Variants in EXOC4 observed in about 807,000 individuals in gnomAD.
EXOC4 encodes the protein SEC8-like 1.
Under a neutral mutation model 107.2 loss-of-function variants are expected in EXOC4, and 71 were observed. The observed-to-expected ratio is 0.66, with a 90% CI of 0.55 to 0.81. EXOC4 has a LOEUF of 0.81. Ranked by LOEUF, EXOC4 falls within the 30% of genes least tolerant of loss-of-function variation. The probability of loss-of-function intolerance (pLI) is 0.00; values close to 1 mark genes in which losing one functional copy is unlikely to be tolerated. For missense variants in EXOC4, 1,108 were observed against 1,189.6 expected, an observed-to-expected ratio of 0.93 and a Z score of 1.01; for synonymous variants, 456 against 441.2, an observed-to-expected ratio of 1.03 and a Z score of -0.42.
intron 10 of EXOC4, among the ~76,000 whole-genome samples, chr7:133,737,905 C>CTTTA (rs1795478942): frequency 4.0e-5 from 3 of 74,362 alleles, no homozygotes; most frequent in South Asian, 5.0e-4. Context: ...CTTGATTTTT[C>CTTTA]TTTCTTTTTT....
intron 13 of EXOC4, among the ~76,000 whole-genome samples, chr7:133,928,705 A>G (rs1425177131): frequency 2.0e-5 from 3 of 152,018 alleles, no homozygotes; most frequent in Non-Finnish European, 4.4e-5. Flanking sequence ...CTGGAGGGAA[A>G]AATATGGATA....
chr7:133,443,540 A>G (rs1380726835), intron 7 of EXOC4, among the ~76,000 whole-genome samples: 1 of 152,134 alleles, frequency 6.6e-6, no homozygotes, highest in Non-Finnish European at 1.5e-5. Context: ...GACCTTCCCC[A>G]TGGTCAAGCA....
chr7:133,467,058 C>G (rs997829459), intron 7 of EXOC4, among the ~76,000 whole-genome samples: 2 of 152,198 alleles, frequency 1.3e-5, no homozygotes, highest in Admixed American at 1.3e-4. Context: ...CAATCTTAAC[C>G]TATTCACATT....
At chr7:133,830,247 C>T (rs894249597) in intron 11 of EXOC4, among the ~76,000 whole-genome samples, 1 of 152,210 alleles carries the variant, frequency 6.6e-6, no homozygotes, top group Non-Finnish European at 1.5e-5. Flanking sequence ...ATTTCAAGGT[C>T]AAGGCTGCCT....
In EXOC4 at chr7:133,603,502, G is replaced by T. The variant is rs538412503; in HGVS notation, c.1418-26543G>T. Among the ~76,000 whole-genome samples the T allele has an allele frequency of 3.9e-4, 59 of 152,240 alleles. No individual in the cohort carries two copies. The South Asian group carries it at 0.012, about 30-fold the overall frequency. ...GCCTACCATACACCTAGGTTATATGGTATAGCCTGTCGCTCCTGATATAGT... is the reference window on the plus strand; with the variant it reads ...GCCTACCATACACCTAGGTTATATGTTATAGCCTGTCGCTCCTGATATAGT... On this transcript the variant is annotated intron_variant, in intron 9 of 17. Coordinates refer to ENST00000253861, the MANE Select transcript of EXOC4 (RefSeq NM_021807.4).
At chr7:133,986,745 TAATTC>T (rs1240607815) in intron 14 of EXOC4, among the ~76,000 whole-genome samples, 3 of 152,168 alleles carry the variant, frequency 2.0e-5, no homozygotes, top group Non-Finnish European at 2.9e-5. Flanking sequence ...GGTTTGCAAA[TAATTC>T]AAGGCAATAA....
chr7:133,907,230 T>C (rs922176034), intron 12 of EXOC4, among the ~76,000 whole-genome samples: 3 of 152,232 alleles, frequency 2.0e-5, no homozygotes, highest in African/African-American at 7.2e-5. Flanking sequence ...ATCTGTTTCA[T>C]AGAGGGCATT....
intron 9 of EXOC4, among the ~76,000 whole-genome samples, chr7:133,566,491 A>C (rs1800908030): frequency 6.6e-6 from 1 of 152,220 alleles, no homozygotes. Context: ...ATAAAACTCA[A>C]ATCCTCAATT....
chr7:134,020,787 AC>A (rs1795011043), intron 17 of EXOC4, among the ~76,000 whole-genome samples: 1 of 152,096 alleles, frequency 6.6e-6, no homozygotes, highest in Non-Finnish European at 1.5e-5. Context: ...GGAGTCTGAG[AC>A]CAGCCTGGCC....
intron 14 of EXOC4, among the ~76,000 whole-genome samples, chr7:133,994,894 T>C (rs1490244123): frequency 5.3e-5 from 8 of 152,162 alleles, no homozygotes; most frequent in African/African-American, 1.9e-4. Context: ...ATTGCTTTTG[T>C]GGTGTCTTAG....
At chr7:133,471,918 A>C (rs1274125200) in intron 7 of EXOC4, among the ~76,000 whole-genome samples, 4 of 152,162 alleles carry the variant, frequency 2.6e-5, no homozygotes, top group African/African-American at 9.7e-5. Context: ...GTGTTTTAGG[A>C]GTTCAGGAAA....
At chr7:133,283,267 T>C (rs925647581) in intron 2 of EXOC4, among the ~76,000 whole-genome samples, 4 of 151,928 alleles carry the variant, frequency 2.6e-5, no homozygotes, top group African/African-American at 9.7e-5. Context: ...TGGAGATGGG[T>C]TTTCACCAGG....
chr7:134,069,222 CCTT>C (rs372042852), downstream of EXOC4, among the ~76,000 whole-genome samples: 8 of 149,678 alleles, frequency 5.3e-5, no homozygotes, highest in South Asian at 4.2e-4. Flanking sequence ...TTCTTCTTCT[CCTT>C]CTTCTTCTCC....
chr7:133,965,921 G>A (rs1175543205), intron 14 of EXOC4, among the ~76,000 whole-genome samples: 1 of 152,124 alleles, frequency 6.6e-6, no homozygotes, highest in Non-Finnish European at 1.5e-5. Flanking sequence ...TGGGCAGTAT[G>A]GCCATTTTCA....
the EXOC4 span, among the ~76,000 whole-genome samples, chr7:134,097,286 C>T: frequency 1.3e-5 from 2 of 151,894 alleles, no homozygotes; most frequent in African/African-American, 4.8e-5. Context: ...CTGTCTCTCC[C>T]AGCTCTTGGT....
At chr7:133,270,082 C>T (rs138713535) in intron 1 of EXOC4, among the ~76,000 whole-genome samples, 27 of 152,190 alleles carry the variant, frequency 1.8e-4, no homozygotes, top group Admixed American at 1.0e-3. Context: ...GCACTGTTCT[C>T]GTGATAGTGA....
intron 10 of EXOC4, among the ~76,000 whole-genome samples, chr7:133,747,222 C>T (rs1402688634): frequency 6.6e-6 from 1 of 152,148 alleles, no homozygotes; most frequent in Non-Finnish European, 1.5e-5. Flanking sequence ...GTAGTATCTT[C>T]AGTTTTCTGA....
At chr7:133,569,657 AC>A (rs1487735494) in intron 9 of EXOC4, among the ~76,000 whole-genome samples, 1 of 152,176 alleles carries the variant, frequency 6.6e-6, no homozygotes, top group Non-Finnish European at 1.5e-5. Context: ...TGTGTGTAAG[AC>A]ACACACACAT....
intron 6 of EXOC4, among the ~76,000 whole-genome samples, chr7:133,374,477 T>C (rs1796443439): frequency 6.6e-6 from 1 of 152,222 alleles, no homozygotes; most frequent in Admixed American, 6.5e-5. Context: ...ATGAATTCCT[T>C]GGAGAAGCTG....
Sources: gnomAD v4.1 joint callset for allele counts (sites outside exome capture counted in the v4.1 genomes callset) on GRCh38, gnomAD v4.1.1 for gene constraint, MANE v1.5 for transcripts, NCBI Gene and HGNC (gene_info 2026-07-23, HGNC 2026-07-21) for gene names.